Variants in PTPRN2 observed in about 807,000 individuals in gnomAD.
PTPRN2 encodes the protein protein tyrosine phosphatase receptor type N2, also known as receptor-type tyrosine-protein phosphatase N2.
A neutral mutation model predicts 118.8 loss-of-function variants in PTPRN2; 74 were observed. The ratio of observed to expected loss-of-function variants is 0.62; its 90% CI spans 0.52 to 0.76. PTPRN2 has a LOEUF of 0.76. PTPRN2 is among the 30% of genes least tolerant of loss of function. The probability of loss-of-function intolerance (pLI) is 0.00; values close to 1 mark genes in which losing one functional copy is unlikely to be tolerated. For missense variants in PTPRN2, 1,481 were observed against 1,394.4 expected (o/e 1.06, Z -0.99); for synonymous variants, 641 against 608.0 (o/e 1.05, Z -0.80).
chr7:158,134,204 G>A, intron 8 of PTPRN2, 145 bp from the exon 9 acceptor site: 1 of 904,584 alleles, frequency 1.1e-6, no homozygotes. Context: ...CGAAGTGTGT[G>A]CAGTCTATAT....
chr7:157,802,037 C>T (rs899400245), intron 12 of PTPRN2, among the ~76,000 whole-genome samples: 6 of 152,210 alleles, frequency 3.9e-5, no homozygotes, highest in Admixed American at 3.9e-4. Flanking sequence ...CCGTGAAACC[C>T]GCCCCGGCGT....
At chr7:157,750,978 T>C (rs1388972662) in intron 12 of PTPRN2, among the ~76,000 whole-genome samples, 1 of 152,220 alleles carries the variant, frequency 6.6e-6, no homozygotes, top group Non-Finnish European at 1.5e-5. Flanking sequence ...GCCGCATCTT[T>C]AGCTTCTCTA....
chr7:158,192,241 G>A (rs1825821630), intron 5 of PTPRN2, 86 bp downstream of exon 5: 1 of 1,327,500 alleles, frequency 7.5e-7, no homozygotes, highest in Non-Finnish European at 9.8e-7. Flanking sequence ...AAGCCAAGAG[G>A]AGCCAGCGAC....
intron 2 of PTPRN2, among the ~76,000 whole-genome samples, chr7:158,484,753 C>T (rs1227296849): frequency 6.6e-6 from 1 of 152,222 alleles, no homozygotes; most frequent in Non-Finnish European, 1.5e-5. Flanking sequence ...GGTTCCTCCG[C>T]GTCAGTGTGC....
chr7:158,146,133 T>G (rs1465877849), intron 6 of PTPRN2, among the ~76,000 whole-genome samples: 1 of 152,196 alleles, frequency 6.6e-6, no homozygotes, highest in African/African-American at 2.4e-5. Flanking sequence ...CAGCTCATTG[T>G]GATCCTCAGG....
chr7:158,366,081 A>G (rs1487543136), intron 2 of PTPRN2, among the ~76,000 whole-genome samples: 5 of 142,840 alleles, frequency 3.5e-5, no homozygotes, highest in African/African-American at 7.9e-5. Context: ...GCACACACAC[A>G]CGCACACACA....
intron 2 of PTPRN2, among the ~76,000 whole-genome samples, chr7:158,333,037 C>A (rs1185074603): frequency 1.7e-5 from 2 of 116,578 alleles, no homozygotes; most frequent in East Asian, 2.4e-4. Flanking sequence ...CTGCAGACGT[C>A]ACTCACACCC....
chr7:157,858,148 CGT>C lies in PTPRN2; in HGVS notation c.1788+40523_1788+40524del, dbSNP rs1563179191. 8.7e-3 allele frequency among the ~76,000 whole-genome samples: 308 copies of C among 35,312 alleles called. 5 individuals are homozygous for C. The highest frequency in any genetic ancestry group is 0.012 in the Middle Eastern group (1 of 84). 23.2% of individuals were successfully genotyped at this position (35,312 alleles called of 152,430 possible). ...ACCCACACTCCTGCAGGGAGAGCCC[CGT>C]CACCACCCACACTCCTGCAGGGAGA... On this transcript the variant is annotated intron_variant, in intron 12 of 22. Transcript: ENST00000389418.
chr7:157,951,984 C>T (rs562623800), intron 11 of PTPRN2, among the ~76,000 whole-genome samples: 2 of 152,344 alleles, frequency 1.3e-5, no homozygotes, highest in Admixed American at 6.5e-5. Flanking sequence ...TGCCCCCTCA[C>T]GTCTCCAGCC....
chr7:158,311,905 AC>A (rs1801784664), intron 3 of PTPRN2, among the ~76,000 whole-genome samples: 1 of 149,226 alleles, frequency 6.7e-6, no homozygotes, highest in Non-Finnish European at 1.5e-5. Flanking sequence ...ACACCCACAC[AC>A]GCACACACCT....
chr7:157,998,241 A>C (rs13247126), intron 11 of PTPRN2, among the ~76,000 whole-genome samples: 101,426 of 151,732 alleles, frequency 0.67, 34,361 homozygotes, highest in East Asian at 0.88. Context: ...CTCTACTTTT[A>C]ATTAAGTGCC....
At chr7:158,080,443 G>A (rs188532436) in intron 11 of PTPRN2, among the ~76,000 whole-genome samples, 7 of 151,972 alleles carry the variant, frequency 4.6e-5, no homozygotes, top group East Asian at 1.9e-4. Context: ...CAATGATACG[G>A]AACGGGAGCA....
intron 2 of PTPRN2, among the ~76,000 whole-genome samples, chr7:158,416,342 C>T (rs1814655366): frequency 1.3e-5 from 2 of 152,240 alleles, no homozygotes; most frequent in Admixed American, 1.3e-4. Context: ...TATGCACCCC[C>T]AGCCCCCAAC....
intron 12 of PTPRN2, among the ~76,000 whole-genome samples, chr7:157,879,415 G>A (rs6962873): frequency 0.17 from 25,026 of 151,648 alleles, 2,115 homozygotes; most frequent in East Asian, 0.21. Context: ...ACACGTGCAC[G>A]CACACACACA....
chr7:158,007,898 GGTT>G (rs978510320), intron 11 of PTPRN2, among the ~76,000 whole-genome samples: 68 of 151,004 alleles, frequency 4.5e-4, no homozygotes, highest in African/African-American at 1.4e-3. Flanking sequence ...GTATGTATCT[GGTT>G]GTGTGCATTG....
At chr7:158,545,640 C>T (rs1826234687) in intron 1 of PTPRN2, among the ~76,000 whole-genome samples, 1 of 152,162 alleles carries the variant, frequency 6.6e-6, no homozygotes, top group Non-Finnish European at 1.5e-5. Flanking sequence ...AGCAAGTGAC[C>T]AGCACATTCT....
chr7:158,398,926 C>T (rs1435166984), intron 2 of PTPRN2, among the ~76,000 whole-genome samples: 1 of 152,224 alleles, frequency 6.6e-6, no homozygotes, highest in Non-Finnish European at 1.5e-5. Flanking sequence ...TTTGTAAATG[C>T]TATCCCCAAC....
At chr7:157,562,023 G>A (rs983814808) in intron 21 of PTPRN2, among the ~76,000 whole-genome samples, 5 of 152,204 alleles carry the variant, frequency 3.3e-5, no homozygotes, top group African/African-American at 9.6e-5. Context: ...GACAGAGGGT[G>A]GGGGATGCAC....
At chr7:157,912,658 T>C (rs1398733586) in intron 11 of PTPRN2, among the ~76,000 whole-genome samples, 1 of 152,212 alleles carries the variant, frequency 6.6e-6, no homozygotes, top group Non-Finnish European at 1.5e-5. Flanking sequence ...AAGTCTGATA[T>C]TGAAGAACTG....
Sources: allele counts gnomAD v4.1 joint callset (sites outside exome capture counted in the v4.1 genomes callset), GRCh38; gene constraint gnomAD v4.1.1; transcripts MANE v1.5; gene names NCBI Gene and HGNC (gene_info 2026-07-23, HGNC 2026-07-21).